The following PCDHA1 variants were observed in gnomAD, a reference collection of about 807,000 sequenced individuals.
PCDHA1 encodes protocadherin alpha 1.
PCDHA1 carries 42 observed loss-of-function variants against 61.3 expected under a neutral mutation model. The observed-to-expected ratio is 0.69, with a 90% CI of 0.54 to 0.89. The LOEUF (loss-of-function observed/expected upper bound fraction) is 0.89, where lower values mean the gene tolerates loss of function less well. PCDHA1 is among the 40% of genes least tolerant of loss of function. The pLI, the probability that PCDHA1 is intolerant of heterozygous loss-of-function variation, is 0.00. For missense variants in PCDHA1, 1,256 were observed against 1,235.3 expected (o/e 1.02, Z -0.25); for synonymous variants, 610 against 553.8 (o/e 1.10, Z -1.43).
intron 3 of PCDHA1, among the ~76,000 whole-genome samples, chr5:141,004,025 A>G (rs191768123): frequency 1.3e-5 from 2 of 152,316 alleles, no homozygotes; most frequent in Non-Finnish European, 2.9e-5. Context: ...AAGAAGAAAC[A>G]TTTCCTTGAT....
At chr5:140,789,630 G>C (rs1398005149) in intron 1 of PCDHA1, among the ~76,000 whole-genome samples, 2 of 152,174 alleles carry the variant, frequency 1.3e-5, no homozygotes, top group East Asian at 3.8e-4. Flanking sequence ...AGCATTGCAT[G>C]TATTTGCTAT....
intron 1 of PCDHA1, among the ~76,000 whole-genome samples, chr5:140,921,386 A>C (rs2080192825): frequency 6.6e-6 from 1 of 152,156 alleles, no homozygotes; most frequent in African/African-American, 2.4e-5. Flanking sequence ...ATATTTGATA[A>C]ACATTCACAC....
intron 1 of PCDHA1, among the ~76,000 whole-genome samples, chr5:140,881,606 T>A (rs1554172306): frequency 6.6e-6 from 1 of 152,226 alleles, no homozygotes; most frequent in East Asian, 1.9e-4. Context: ...TAATATGATG[T>A]GCTTATTCAA....
chr5:140,981,141 A>G (rs957272254), intron 2 of PCDHA1, among the ~76,000 whole-genome samples: 2 of 152,242 alleles, frequency 1.3e-5, no homozygotes, highest in African/African-American at 4.8e-5. Flanking sequence ...AAAGAGTGAG[A>G]AAACATTGAA....
chr5:140,939,787 C>G (rs1486449192), intron 1 of PCDHA1, among the ~76,000 whole-genome samples: 2 of 152,180 alleles, frequency 1.3e-5, no homozygotes, highest in African/African-American at 2.4e-5. Flanking sequence ...TGGTCAATTT[C>G]TATAAATGTT....
At chr5:140,826,840 A>T (rs1244045746) in intron 1 of PCDHA1, among the ~76,000 whole-genome samples, 1 of 152,186 alleles carries the variant, frequency 6.6e-6, no homozygotes, top group Non-Finnish European at 1.5e-5. Flanking sequence ...AAGTTTCTCA[A>T]GTGTCTTGCA....
intron 1 of PCDHA1, chr5:140,802,552 C>G: frequency 6.2e-7 from 1 of 1,614,198 alleles, no homozygotes; most frequent in Non-Finnish European, 8.5e-7. Flanking sequence ...AACGACAATG[C>G]GCCGGCATTC....
intron 1 of PCDHA1, chr5:140,850,906 T>A: frequency 6.4e-7 from 1 of 1,550,722 alleles, no homozygotes; most frequent in Non-Finnish European, 8.7e-7. Context: ...TTTTCTAGCA[T>A]TTTATTTATT....
chr5:140,786,154 G>C lies in PCDHA1; in HGVS notation c.-137G>C. The C allele has an allele frequency of 8.9e-7, 1 of 1,123,738 alleles. No homozygotes were observed. Among genetic ancestry groups the C allele is most frequent in the Non-Finnish European group, 1.3e-6 (1 of 786,552 alleles). The allele number at this position is 1,123,738 out of a possible 1,614,324, so 69.6% of individuals were successfully genotyped here. A position where few individuals can be genotyped will look rare whatever the true frequency, so the allele number is the denominator to read the frequency against. ...AGAAGGGAGCTACTGATCACTAAAA[G>C]TGAAGGAGGAAGCTCCATTTTGTCA... On this transcript the variant is annotated 5_prime_UTR_variant, in exon 1 of 4. Coordinates refer to ENST00000504120, the MANE Select transcript of PCDHA1 (RefSeq NM_018900.4).
chr5:140,853,422 G>A, intron 1 of PCDHA1: 8 of 986,108 alleles, frequency 8.1e-6, no homozygotes, highest in Non-Finnish European at 9.8e-6. Flanking sequence ...GAAAGCAGAA[G>A]AGACACTTTC....
At chr5:140,823,003 A>G in intron 1 of PCDHA1, 1 of 1,614,236 alleles carries the variant, frequency 6.2e-7, no homozygotes, top group Non-Finnish European at 8.5e-7. Flanking sequence ...GGTGCTGGAC[A>G]GCGCCCTGGA....
chr5:140,808,794 C>T, intron 1 of PCDHA1: 1 of 1,612,626 alleles, frequency 6.2e-7, no homozygotes, highest in Non-Finnish European at 8.5e-7. Flanking sequence ...TTTCAGGTGA[C>T]CGCTCGCGAT....
intron 1 of PCDHA1, chr5:140,836,195 C>T (rs1554135720): frequency 3.7e-6 from 6 of 1,613,858 alleles, no homozygotes; most frequent in African/African-American, 1.3e-5. Flanking sequence ...CAGGCTACAA[C>T]GCGTGGCTTT....
rs2150354431 is a variant in PCDHA1 at position 140,843,174 on chromosome 5, C to T, written c.2394+54490C>T. 1.1e-4 allele frequency: 178 copies of T among 1,595,970 alleles called. 24 individuals carry two copies. Among genetic ancestry groups the T allele is most frequent in the Non-Finnish European group, 1.5e-4 (177 of 1,165,624 alleles). ...GAGCTGCAGCCAGCTGCAAGCAGCC[C>T]TCGCATCCCGTTCCGCGTGGGGCTG... On this transcript the variant is annotated intron_variant, in intron 1 of 3. Transcript: ENST00000504120.
chr5:140,851,715 G>C, intron 1 of PCDHA1: 1 of 964,012 alleles, frequency 1.0e-6, no homozygotes, highest in Non-Finnish European at 1.3e-6. Context: ...GTGAAGATTC[G>C]AAACTTCGAG....
chr5:140,842,822 G>T (rs2150345251), intron 1 of PCDHA1: 1 of 1,593,810 alleles, frequency 6.3e-7, no homozygotes. Context: ...GCGGGTGGGC[G>T]AGCGCTCGCT....
chr5:140,807,876 T>C (rs781990148), intron 1 of PCDHA1: 1 of 1,614,154 alleles, frequency 6.2e-7, no homozygotes. Context: ...CAGTTACTCA[T>C]CACAGTACTG....
At chr5:140,839,916 A>G (rs2150301736) in intron 1 of PCDHA1, among the ~76,000 whole-genome samples, 33 of 151,970 alleles carry the variant, frequency 2.2e-4, no homozygotes, top group African/African-American at 7.5e-4. Context: ...TAGAAGAAAA[A>G]CCTTGAACAA....
intron 1 of PCDHA1, among the ~76,000 whole-genome samples, chr5:140,961,617 C>T (rs781986571): frequency 2.0e-5 from 3 of 152,086 alleles, no homozygotes; most frequent in Non-Finnish European, 4.4e-5. Context: ...AACTAAAGTG[C>T]CCATATGAAA....
Sources: gnomAD v4.1 joint callset for allele counts (sites outside exome capture counted in the v4.1 genomes callset) on GRCh38, gnomAD v4.1.1 for gene constraint, MANE v1.5 for transcripts, NCBI Gene and HGNC (gene_info 2026-07-23, HGNC 2026-07-21) for gene names.